The following DGLUCY variants were observed in gnomAD, a reference collection of about 807,000 sequenced individuals.
DGLUCY encodes D-glutamate cyclase, also known as D-glutamate cyclase, mitochondrial.
Under a neutral mutation model 58.5 loss-of-function variants are expected in DGLUCY, and 58 were observed. That is an observed-to-expected ratio of 0.99 (90% confidence interval 0.80 to 1.23). DGLUCY has a LOEUF of 1.23. Ranked by LOEUF, DGLUCY falls within the 50% of genes most tolerant of loss-of-function variation. DGLUCY has a pLI of 0.00. For synonymous variants in DGLUCY, 325 were observed against 314.1 expected (o/e 1.03, Z -0.37); for missense variants, 779 against 784.7 (o/e 0.99, Z 0.09).
chr14:91,167,485 A>G, intron 4 of DGLUCY, 107 bp downstream of exon 4: 1 of 1,416,026 alleles, frequency 7.1e-7, no homozygotes, highest in Non-Finnish European at 1.0e-6. Context: ...GGACCTTCAC[A>G]GTGCCTGGCA....
At chr14:91,061,367 ACT>A (rs1353369347) in intron 1 of DGLUCY, among the ~76,000 whole-genome samples, 3 of 152,284 alleles carry the variant, frequency 2.0e-5, no homozygotes, top group East Asian at 3.9e-4. Context: ...TTCGTACAAG[ACT>A]CTTACTAGGC....
chr14:91,118,604 T>G (rs1303884768), intron 1 of DGLUCY, among the ~76,000 whole-genome samples: 1 of 152,208 alleles, frequency 6.6e-6, no homozygotes, highest in African/African-American at 2.4e-5. Context: ...AAGAGTCTCT[T>G]TTATCTGTCT....
At chr14:91,210,095 A>G (rs963025357) in intron 12 of DGLUCY, among the ~76,000 whole-genome samples, 1 of 151,780 alleles carries the variant, frequency 6.6e-6, no homozygotes, top group African/African-American at 2.4e-5. Context: ...AGCCTGGACA[A>G]CATGGTGAAA....
chr14:91,209,806 A>G (rs916570854), intron 12 of DGLUCY, among the ~76,000 whole-genome samples: 5 of 152,240 alleles, frequency 3.3e-5, no homozygotes, highest in East Asian at 1.9e-4. Flanking sequence ...AAGACACTAT[A>G]TGTGTCTTTA....
At chr14:91,170,973 A>G (rs2048545981) in intron 5 of DGLUCY, among the ~76,000 whole-genome samples, 2 of 152,170 alleles carry the variant, frequency 1.3e-5, no homozygotes, top group African/African-American at 2.4e-5. Flanking sequence ...CTGATCAGCA[A>G]CAAAGCTGCC....
At chr14:91,199,090 G>A (rs1310704358) in intron 10 of DGLUCY, among the ~76,000 whole-genome samples, 1 of 152,136 alleles carries the variant, frequency 6.6e-6, no homozygotes, top group East Asian at 1.9e-4. Flanking sequence ...GCCAGCAGCA[G>A]GCCAATAGCA....
chr14:91,146,465 G>A (rs1297339525), intron 1 of DGLUCY, among the ~76,000 whole-genome samples: 2 of 152,128 alleles, frequency 1.3e-5, no homozygotes, highest in Non-Finnish European at 2.9e-5. Flanking sequence ...GCCCACTAAC[G>A]TCACAGTCAT....
intron 1 of DGLUCY, among the ~76,000 whole-genome samples, chr14:91,091,649 C>G (rs2044313527): frequency 6.6e-6 from 1 of 152,204 alleles, no homozygotes; most frequent in African/African-American, 2.4e-5. Flanking sequence ...GGTCCATAGC[C>G]TGTCTGGACA....
Position 91,181,238 on chromosome 14 carries a change from G to A in DGLUCY, c.783G>A (p.Leu261=), listed in dbSNP as rs1226803527. The A allele has an allele frequency of 1.9e-6, 3 of 1,614,168 alleles. No individual in the cohort carries two copies. The highest frequency in any genetic ancestry group is 4.5e-5 in the East Asian group (2 of 44,880). The change falls in exon 8 of 14, where the codon CTG becomes CTA. Residue 261 remains leucine (L), a synonymous_variant. Transcript: ENST00000256324. ...CAGGCTGCACAGTTATGACTGACCTGAAGGATGCAAAGGCTCCACCTGGTT... is the reference window on the plus strand; with the variant it reads ...CAGGCTGCACAGTTATGACTGACCTAAAGGATGCAAAGGCTCCACCTGGTT... ...SIPGCTVMTD[L]KDAKAPPGCL...
chr14:91,171,173 G>C (rs2048556354), intron 5 of DGLUCY, among the ~76,000 whole-genome samples: 1 of 152,156 alleles, frequency 6.6e-6, no homozygotes, highest in African/African-American at 2.4e-5. Flanking sequence ...TCTCATTTTA[G>C]ATGAGGAAAC....
At chr14:91,096,477 G>A (rs1453021851) in intron 1 of DGLUCY, among the ~76,000 whole-genome samples, 1 of 152,132 alleles carries the variant, frequency 6.6e-6, no homozygotes, top group African/African-American at 2.4e-5. Flanking sequence ...GAAAATTGGG[G>A]AGTGCGACCC....
intron 1 of DGLUCY, among the ~76,000 whole-genome samples, chr14:91,117,252 G>T (rs549678429): frequency 6.6e-6 from 1 of 152,312 alleles, no homozygotes; most frequent in Admixed American, 6.5e-5. Context: ...CACTTTCATT[G>T]CTATCTTGGT....
chr14:91,153,524 T>G (rs2140310889), intron 1 of DGLUCY, among the ~76,000 whole-genome samples: 1 of 152,336 alleles, frequency 6.6e-6, no homozygotes, highest in East Asian at 1.9e-4. Context: ...TGCCAGGCAC[T>G]GTTGATGCTG....
At chr14:91,092,355 A>G (rs1433552414) in intron 1 of DGLUCY, among the ~76,000 whole-genome samples, 31 of 152,194 alleles carry the variant, frequency 2.0e-4, no homozygotes, top group Admixed American at 2.0e-3. Context: ...AACTCTTGTT[A>G]ATCATTTGAT....
chr14:91,203,148 T>A (rs1447058703), intron 11 of DGLUCY, among the ~76,000 whole-genome samples: 2 of 152,182 alleles, frequency 1.3e-5, no homozygotes, highest in African/African-American at 2.4e-5. Flanking sequence ...CCAAAAGAGA[T>A]GGAATTCATA....
intron 12 of DGLUCY, among the ~76,000 whole-genome samples, 168 bp from the exon 13 acceptor site, chr14:91,215,237 G>A (rs1886327766): frequency 1.3e-5 from 2 of 152,214 alleles, no homozygotes; most frequent in Admixed American, 1.3e-4. Context: ...TTTTTATTCA[G>A]TAGTTCTTGG....
chr14:91,204,622 C>G (rs1467506570), intron 11 of DGLUCY, 84 bp from the exon 12 acceptor site: 2 of 1,545,150 alleles, frequency 1.3e-6, no homozygotes, highest in African/African-American at 2.7e-5. Flanking sequence ...CCAAAGGCAA[C>G]AAGCACATGT....
At chr14:91,084,988 A>G (rs992934100) in intron 1 of DGLUCY, among the ~76,000 whole-genome samples, 3 of 152,136 alleles carry the variant, frequency 2.0e-5, no homozygotes, top group African/African-American at 7.2e-5. Context: ...TTGGAAGGGC[A>G]AAACAGTAAT....
rs1375362199 is a variant in DGLUCY, at chr14:91,172,066, A to ATCTTAT, written c.457-1222_457-1221insCTTATT. Among the ~76,000 whole-genome samples, 6 of 151,428 alleles carry ATCTTAT rather than the reference A, an allele frequency of 4.0e-5. No individual in the cohort carries two copies. The South Asian group carries it at 6.3e-4, about 16-fold the overall frequency. On this transcript the variant is annotated intron_variant, in intron 5 of 13. Transcript: ENST00000256324. ...CTTCCCTCCCTCCCTTCTTTATTTT[A>ATCTTAT]TTTTATTTTTATTTTTATTTTTGAC... is the stretch of plus-strand genomic sequence containing the variant.
Sources: allele counts gnomAD v4.1 joint callset (sites outside exome capture counted in the v4.1 genomes callset), GRCh38; gene constraint gnomAD v4.1.1; transcripts MANE v1.5; gene names NCBI Gene and HGNC (gene_info 2026-07-23, HGNC 2026-07-21).